Variants in RNF213 observed in about 807,000 individuals in gnomAD.
RNF213 encodes the protein ring finger protein 213.
Under a neutral mutation model 514.4 loss-of-function variants are expected in RNF213, and 341 were observed. The ratio of observed to expected loss-of-function variants is 0.66; its 90% CI spans 0.61 to 0.73. RNF213 has a LOEUF of 0.73. Among genes scored for constraint, RNF213 ranks in the 30% least tolerant of loss-of-function variants. The probability of loss-of-function intolerance (pLI) is 0.00; values close to 1 mark genes in which losing one functional copy is unlikely to be tolerated. For missense variants in RNF213, 5,767 were observed against 6,615.6 expected (o/e 0.87, Z 4.45); for synonymous variants, 2,655 against 2,658.2 (o/e 1.00, Z 0.04).
In RNF213 at chr17:80,386,410, A is replaced by C. The variant is rs1599209804; in HGVS notation, c.14700A>C (p.Lys4900Asn). The change falls in exon 62 of 68, where the codon AAA (lysine) becomes AAC (asparagine). Residue 4900 changes from lysine (K) to asparagine (N), a missense_variant. Lys to Asn is a moderately conservative substitution (Grantham distance 94). Around this residue, in one of 13 missense-constraint regions of RNF213, gnomAD observed 1,245 missense variants for 1,339.0 expected, o/e 0.93. Transcript: ENST00000582970. ...LHNEIVYAVE[K>N]LSKENNSYSV... is the part of the protein sequence containing the mutation. The stretch of plus-strand genomic sequence containing the variant: ...ATGAAATTGTCTACGCCGTGGAAAA[A>C]CTCTCCAAGGAAAACAACAGGTTTG... 6.2e-7 allele frequency: 1 copy of C among 1,613,480 alleles called. No individual in the cohort carries two copies. Among genetic ancestry groups the C allele is most frequent in the Non-Finnish European group, 8.5e-7 (1 of 1,179,856 alleles).
chr17:80,282,946 C>T (rs1270435088), intron 3 of RNF213, among the ~76,000 whole-genome samples: 1 of 152,118 alleles, frequency 6.6e-6, no homozygotes. Context: ...GATCCGCCCG[C>T]CTCGTTCTCT....
At chr17:80,293,100 C>T (rs1014650231) in intron 8 of RNF213, among the ~76,000 whole-genome samples, 12 of 152,060 alleles carry the variant, frequency 7.9e-5, no homozygotes, top group African/African-American at 2.9e-4. Context: ...CTCTGTCACC[C>T]AAGCTGGAGT....
At position 80,385,729 on chromosome 17, in the gene RNF213, T is replaced by G. The variant is rs111338204; in HGVS notation, c.14539+108T>G. 278 of 933,292 alleles carry G rather than the reference T, an allele frequency of 3.0e-4. 1 individual carries two copies. The highest frequency in any genetic ancestry group is 3.7e-4 in the Non-Finnish European group (218 of 587,928). 57.8% of individuals were successfully genotyped at this position (933,292 alleles called of 1,614,324 possible). ...TCCCTGTCAACACCCAGCACTGTGT[T>G]TGTTTGTTTTTGAGATGGAGTCTTG... On this transcript the variant is annotated intron_variant, in intron 61 of 67. Transcript: ENST00000582970.
Position 80,375,886 on chromosome 17 carries a change from C to A in RNF213, c.13185+16C>A. ...CACGCCAGAGGTGAGTAACCGCCTGCAGGGCTGTGTTCAAAGTCTCAGTAT... is the reference window on the plus strand; with the variant it reads ...CACGCCAGAGGTGAGTAACCGCCTGAAGGGCTGTGTTCAAAGTCTCAGTAT... On this transcript the variant is annotated intron_variant, in intron 51 of 67. Coordinates refer to ENST00000582970, the MANE Select transcript of RNF213 (RefSeq NM_001256071.3). 6.6e-7 allele frequency: 1 copy of A among 1,512,152 alleles called. No individual in the cohort carries two copies. Among genetic ancestry groups the A allele is most frequent in the Non-Finnish European group, 9.2e-7 (1 of 1,087,056 alleles). 93.7% of individuals were successfully genotyped at this position (1,512,152 alleles called of 1,614,324 possible). A position where few individuals can be genotyped will look rare whatever the true frequency, so the allele number is the denominator to read the frequency against.
chr17:80,272,926 C>T (rs1285151536), intron 2 of RNF213, among the ~76,000 whole-genome samples: 1 of 152,114 alleles, frequency 6.6e-6, no homozygotes, highest in Non-Finnish European at 1.5e-5. Flanking sequence ...TTTAGAGGTG[C>T]CCGAGGTGCG....
Position 80,346,439 on chromosome 17 carries a change from T to G in RNF213, c.8104T>G (p.Ser2702Ala). 1 of 1,613,376 alleles carries G rather than the reference T, an allele frequency of 6.2e-7. No individual in the cohort carries two copies. Among genetic ancestry groups the G allele is most frequent in the Non-Finnish European group, 8.5e-7 (1 of 1,179,998 alleles). The part of the protein sequence containing the change: ...CYHASLEKKD[S>A]YRKAIARFFP... ...CCATGCCTCTTTAGAAAAGAAAGAC[T>G]CATATCGGAAAGCCATCGCCAGGTT... Residue 2702 changes from serine (S) to alanine (A), a missense_variant, in exon 29 of 68, where the codon TCA becomes GCA. By Grantham distance (99) the Ser-to-Ala change is moderately conservative. Around this residue, in one of 13 missense-constraint regions of RNF213, gnomAD observed 1,377 missense variants for 1,635.2 expected, o/e 0.84. Transcript: ENST00000582970. The surrounding 1 kb of genome is among the most constrained non-coding windows in gnomAD (Gnocchi z 8.1).
intron 23 of RNF213, chr17:80,336,666 A>G (rs1326873614): frequency 7.2e-6 from 3 of 418,736 alleles, no homozygotes; most frequent in Non-Finnish European, 1.4e-5. Flanking sequence ...TTTTCTCTGA[A>G]TGGTTGTAAT....
intron 14 of RNF213, among the ~76,000 whole-genome samples, chr17:80,310,787 G>A (rs1460997590): frequency 6.6e-6 from 1 of 151,434 alleles, no homozygotes; most frequent in Admixed American, 6.6e-5. Flanking sequence ...CCTGACCTCA[G>A]GTGATTCGCC....
At chr17:80,350,477 C>T (rs1044446316) in intron 31 of RNF213, 81 bp downstream of exon 31, 2 of 828,090 alleles carry the variant, frequency 2.4e-6, no homozygotes, top group East Asian at 5.0e-5. Context: ...TCCTTGAAGA[C>T]AGTATAGTAT....
intron 31 of RNF213, 49 bp from the exon 32 acceptor site, chr17:80,351,632 TTGTG>T (rs1405490919): frequency 9.2e-6 from 9 of 978,756 alleles, no homozygotes; most frequent in Non-Finnish European, 1.3e-5. Flanking sequence ...TTGCTTGTTT[TTGTG>T]TGTGTGTTTG....
chr17:80,366,211 C>T (rs1412779017), intron 42 of RNF213, among the ~76,000 whole-genome samples: 4 of 152,262 alleles, frequency 2.6e-5, no homozygotes, highest in African/African-American at 4.8e-5. Flanking sequence ...CAGGATGGCA[C>T]GGGTGGGACT....
chr17:80,368,496 G>A (rs1165428593), intron 44 of RNF213, among the ~76,000 whole-genome samples: 3 of 147,780 alleles, frequency 2.0e-5, no homozygotes, highest in Non-Finnish European at 3.0e-5. Context: ...ACAGTGGCAC[G>A]ATCTCAGCTC....
In RNF213 at chr17:80,346,477, G is replaced by A. The variant is rs527491840; in HGVS notation, c.8142G>A (p.Pro2714=). 3.9e-5 allele frequency: 63 copies of A among 1,613,856 alleles called. 1 individual carries two copies. Among genetic ancestry groups the A allele is most frequent in the African/African-American group, 2.0e-4 (15 of 75,030 alleles). The part of the protein sequence containing the change: ...RKAIARFFPK[P]YDDSRLLLDE... Reference sequence around the variant, plus strand: ...CCATCGCCAGGTTCTTTCCGAAACCGTATGACGACAGCAGGCTGCTTCTGG... The same window carrying A: ...CCATCGCCAGGTTCTTTCCGAAACCATATGACGACAGCAGGCTGCTTCTGG... Residue 2714 remains proline (P), a synonymous_variant, in exon 29 of 68, where the codon CCG becomes CCA. Transcript: ENST00000582970. This position sits in a 1 kb window ranked among gnomAD's most constrained non-coding sequence, Gnocchi z 8.1.
Position 80,290,610 on chromosome 17 carries a change from G to A in RNF213, c.1153G>A (p.Ala385Thr), listed in dbSNP as rs750565435. 15 of 1,613,980 alleles carry A rather than the reference G, an allele frequency of 9.3e-6. No homozygotes were observed. The highest frequency in any genetic ancestry group is 1.2e-5 in the Non-Finnish European group (14 of 1,180,030). The change falls in exon 7 of 68, where the codon GCC becomes ACC. Residue 385 changes from alanine to threonine, a missense_variant. By Grantham distance (58) the Ala-to-Thr change is moderately conservative. Around this residue, in one of 13 missense-constraint regions of RNF213, gnomAD observed 509 missense variants for 496.7 expected, o/e 1.02. Transcript: ENST00000582970. The part of the protein sequence containing the change: ...PGGGVTVFFH[A>T]IISLHFPFNP... ...TGGAGGAGTCACCGTGTTCTTCCACGCCATCATCTCTCTTCATTTCCCATT... is the reference window on the plus strand; with the variant it reads ...TGGAGGAGTCACCGTGTTCTTCCACACCATCATCTCTCTTCATTTCCCATT...
chr17:80,283,062 A>G (rs1424052686), intron 3 of RNF213, among the ~76,000 whole-genome samples: 1 of 152,162 alleles, frequency 6.6e-6, no homozygotes, highest in African/African-American at 2.4e-5. Context: ...GGATATTTAT[A>G]AAATTATGTA....
chr17:80,343,729 T>C lies in RNF213; in HGVS notation c.6184-128T>C, dbSNP rs1267473059. ...CTGCCCTTGGAGACATGGGCCGTTGTTGGCTGAAATGTTGATGTTGATCAT... is the reference window on the plus strand; with the variant it reads ...CTGCCCTTGGAGACATGGGCCGTTGCTGGCTGAAATGTTGATGTTGATCAT... On this transcript the variant is annotated intron_variant, in intron 27 of 67. Coordinates refer to ENST00000582970, the MANE Select transcript of RNF213 (RefSeq NM_001256071.3). This position sits in a 1 kb window ranked among gnomAD's most constrained non-coding sequence, Gnocchi z 4.3. 14 of 977,574 alleles carry C rather than the reference T, an allele frequency of 1.4e-5. No individual in the cohort carries two copies. In the African/African-American group the frequency reaches 2.2e-4, roughly 16 times the overall value. The allele number at this position is 977,574 out of a possible 1,614,324, so 60.6% of individuals were successfully genotyped here. A position where few individuals can be genotyped will look rare whatever the true frequency, so the allele number is the denominator to read the frequency against.
chr17:80,340,069 G>T lies in RNF213; in HGVS notation c.5702G>T (p.Ser1901Ile). The T allele has an allele frequency of 6.3e-7, 1 of 1,585,314 alleles. No homozygotes were observed. Residue 1901 changes from serine to isoleucine, a missense_variant, in exon 26 of 68, where the codon AGC becomes ATC. Physicochemically the swap from Ser to Ile is moderately radical, Grantham distance 142. Transcript: ENST00000582970. ...VYSLLFADQL[S>I]YEVARQAEEL... ...AGCCTGCTGTTCGCAGATCAGCTGA[G>T]CTACGAGGTGGCACGCCAAGCGGAG...
intron 15 of RNF213, among the ~76,000 whole-genome samples, chr17:80,314,279 G>A (rs1312595790): frequency 9.3e-5 from 10 of 107,238 alleles, no homozygotes; most frequent in Non-Finnish European, 1.9e-4. Context: ...TGATGGTGGA[G>A]GTACTGGAGG....
intron 67 of RNF213, among the ~76,000 whole-genome samples, chr17:80,392,987 CCT>C (rs1491170888): frequency 2.0e-5 from 3 of 146,432 alleles, no homozygotes; most frequent in Non-Finnish European, 4.4e-5. Flanking sequence ...TATATGGGAG[CCT>C]TTTTTTTTGA....
Sources: allele counts gnomAD v4.1 joint callset (sites outside exome capture counted in the v4.1 genomes callset), GRCh38; gene constraint gnomAD v4.1.1; regional missense constraint gnomAD v4.1.1; non-coding constraint Gnocchi (gnomAD v3.1); transcripts MANE v1.5; gene names NCBI Gene and HGNC (gene_info 2026-07-23, HGNC 2026-07-21).